The following MFSD8 variants were observed in gnomAD, a reference collection of about 807,000 sequenced individuals.
The protein encoded by MFSD8 is major facilitator superfamily domain containing 8, also known as major facilitator superfamily domain-containing protein 8.
MFSD8 carries 55 observed loss-of-function variants against 66.4 expected under a neutral mutation model. That is an observed-to-expected ratio of 0.83 (90% CI 0.67 to 1.04). MFSD8 has a LOEUF of 1.04. Among genes scored for constraint, MFSD8 ranks in the 50% least tolerant of loss-of-function variants. The pLI is 0.00. For missense variants in MFSD8, 550 were observed against 627.6 expected (o/e 0.88, Z 1.32); for synonymous variants, 202 against 212.8 (o/e 0.95, Z 0.44).
intron 1 of MFSD8, 98 bp downstream of exon 1, chr4:127,964,974 T>A: frequency 1.4e-6 from 2 of 1,433,858 alleles, no homozygotes; most frequent in Non-Finnish European, 1.9e-6. Context: ...GGAACCCCTC[T>A]GGCAGCGAGG....
At chr4:127,959,838 A>G (rs1743460109) in intron 1 of MFSD8, among the ~76,000 whole-genome samples, 1 of 152,208 alleles carries the variant, frequency 6.6e-6, no homozygotes, top group Non-Finnish European at 1.5e-5. Context: ...TGGAGACAGT[A>G]GAAATATAGG....
In MFSD8 at chr4:127,949,321, A is replaced by T. The variant is rs147730303; in HGVS notation, c.198+483T>A. 2.6e-3 allele frequency among the ~76,000 whole-genome samples: 398 copies of T among 152,300 alleles called. 2 individuals carry two copies. The highest frequency in any genetic ancestry group is 9.2e-3 in the African/African-American group (383 of 41,574). On this transcript the variant is annotated intron_variant, in intron 3 of 11. Transcript: ENST00000641686. ...CCTAACAAACTTACATATTCATGTC[A>T]CCCCCTCTTCCCCTTCTAGTAATAA...
intron 6 of MFSD8, 176 bp from the exon 7 acceptor site, chr4:127,939,014 A>G (rs1436925170): frequency 4.4e-6 from 2 of 451,678 alleles, no homozygotes; most frequent in Non-Finnish European, 7.9e-6. Flanking sequence ...CAGAAGTTAC[A>G]ATTCTTATCA....
At chr4:127,925,062 CCTT>C (rs1736968064) in intron 9 of MFSD8, among the ~76,000 whole-genome samples, 1 of 152,062 alleles carries the variant, frequency 6.6e-6, no homozygotes, top group Admixed American at 6.5e-5. Context: ...AGACTGGGCC[CCTT>C]CTTTATACCT....
Position 127,928,139 on chromosome 4 carries a change from C to T in MFSD8, c.998+2544G>A, listed in dbSNP as rs755264082. On this transcript the variant is annotated intron_variant, in intron 9 of 11. Transcript: ENST00000641686. ...TCTTGGTTCACTGCTGCAACCTCCA[C>T]CTCCCAGGTTGAAGCGATTCTCTTG... 3.9e-4 allele frequency among the ~76,000 whole-genome samples: 59 copies of T among 152,266 alleles called. 1 individual carries two copies. Among genetic ancestry groups the T allele is most frequent in the South Asian group, 8.3e-4 (4 of 4,824 alleles).
In MFSD8 at chr4:127,965,165, A is replaced by G. The variant is rs1579054650; in HGVS notation, c.-32T>C. The G allele has an allele frequency of 6.2e-7, 1 of 1,613,214 alleles. No individual in the cohort carries two copies. Among genetic ancestry groups the G allele is most frequent in the Non-Finnish European group, 8.5e-7 (1 of 1,179,750 alleles). On this transcript the variant is annotated 5_prime_UTR_variant, in exon 1 of 12. Coordinates refer to ENST00000641686, the MANE Select transcript of MFSD8 (RefSeq NM_001371596.2). Reference sequence around the variant, plus strand: ...ACTCCCTACAAGGCGTCTTGCGCCCAACTCTCGCGACACCTGCTTTCTCCC... The same window carrying G: ...ACTCCCTACAAGGCGTCTTGCGCCCGACTCTCGCGACACCTGCTTTCTCCC...
intron 1 of MFSD8, 48 bp downstream of exon 1, chr4:127,965,024 C>A (rs774443900): frequency 1.1e-5 from 17 of 1,602,668 alleles, no homozygotes; most frequent in Admixed American, 8.5e-5. Context: ...AGGAACCAGT[C>A]CCAACAGCGC....
chr4:127,957,026 T>C (rs554670052), intron 2 of MFSD8, among the ~76,000 whole-genome samples: 129 of 152,224 alleles, frequency 8.5e-4, no homozygotes, highest in African/African-American at 2.4e-3. Flanking sequence ...CTTAAGCACA[T>C]AGGAGAATAG....
In MFSD8 at chr4:127,939,989, T is replaced by C. The variant is rs1739868697; in HGVS notation, c.562A>G (p.Thr188Ala). 1.9e-6 allele frequency: 3 copies of C among 1,612,872 alleles called. No homozygotes were observed. Among genetic ancestry groups the C allele is most frequent in the South Asian group, 2.2e-5 (2 of 90,874 alleles). ...TTTTCTCCAAGGAATGTAAAACAAG[T>C]CTGAAAAACTTATTAAGATAAAATT... ...LGFILGPVFQ[T>A]CFTFLGEKGV... Residue 188 changes from threonine to alanine, a missense_variant, in exon 6 of 12, where the codon ACT (threonine) becomes GCT (alanine). Coordinates refer to ENST00000641686, the MANE Select transcript of MFSD8 (RefSeq NM_001371596.2).
At chr4:127,938,288 G>T (rs2148899623) in intron 7 of MFSD8, among the ~76,000 whole-genome samples, 2 of 151,894 alleles carry the variant, frequency 1.3e-5, no homozygotes, top group South Asian at 4.2e-4. Context: ...AACCAATATG[G>T]GTATGCCTCT....
intron 2 of MFSD8, among the ~76,000 whole-genome samples, chr4:127,951,332 C>T (rs1305913465): frequency 1.3e-5 from 2 of 152,138 alleles, no homozygotes; most frequent in African/African-American, 2.4e-5. Flanking sequence ...TGGATTCAAG[C>T]GATTCTCCTG....
rs767262517 is a variant in MFSD8, at chr4:127,921,706, G to C, written c.1168C>G (p.Pro390Ala). The change falls in exon 11 of 12, where the codon CCA becomes GCA. Residue 390 changes from proline to alanine, a missense_variant. By Grantham distance (27) the Pro-to-Ala change is conservative. Transcript: ENST00000641686. ...GEIIIGLWKS[P>A]MEDDNERPTG... ...GGTCTTTCATTGTCATCTTCCATTGGAGACTTCCAAAGACCAATAATAATT... is the reference window on the plus strand; with the variant it reads ...GGTCTTTCATTGTCATCTTCCATTGCAGACTTCCAAAGACCAATAATAATT... 16 of 1,614,162 alleles carry C rather than the reference G, an allele frequency of 9.9e-6. No individual in the cohort carries two copies. The highest frequency in any genetic ancestry group is 1.7e-5 in the Admixed American group (1 of 60,002).
chr4:127,944,134 G>T, intron 3 of MFSD8, 142 bp from the exon 4 acceptor site: 1 of 1,143,082 alleles, frequency 8.7e-7, no homozygotes, highest in Non-Finnish European at 1.2e-6. Context: ...ATTACTTATA[G>T]TAAGGGATTC....
chr4:127,929,968 C>A (rs1009279915), intron 9 of MFSD8, among the ~76,000 whole-genome samples: 20 of 152,102 alleles, frequency 1.3e-4, no homozygotes, highest in African/African-American at 4.8e-4. Context: ...TTATGCTGGG[C>A]GCAGTGGCTC....
chr4:127,960,847 T>G (rs1027518569), intron 1 of MFSD8, among the ~76,000 whole-genome samples: 2 of 152,234 alleles, frequency 1.3e-5, no homozygotes, highest in Non-Finnish European at 2.9e-5. Context: ...CACCAAATTC[T>G]ATCCCTTTCA....
intron 7 of MFSD8, among the ~76,000 whole-genome samples, 178 bp downstream of exon 7, chr4:127,938,605 A>C (rs1739540461): frequency 7.0e-6 from 1 of 142,224 alleles, no homozygotes; most frequent in Non-Finnish European, 1.5e-5. Flanking sequence ...ATAAATAAAT[A>C]AATAAATAAA....
intron 1 of MFSD8, among the ~76,000 whole-genome samples, chr4:127,962,807 T>C (rs1306283436): frequency 1.3e-5 from 2 of 152,196 alleles, no homozygotes; most frequent in Non-Finnish European, 2.9e-5. Context: ...GATCTCAAGA[T>C]AAAATCAAGT....
chr4:127,950,025 A>G (rs1400510711), intron 2 of MFSD8, among the ~76,000 whole-genome samples, 178 bp from the exon 3 acceptor site: 1 of 152,246 alleles, frequency 6.6e-6, no homozygotes, highest in African/African-American at 2.4e-5. Context: ...AAAGACTAAA[A>G]GAACATACAA....
At chr4:127,949,738 T>C in intron 3 of MFSD8, 66 bp downstream of exon 3, 2 of 1,319,136 alleles carry the variant, frequency 1.5e-6, no homozygotes, top group Non-Finnish European at 2.2e-6. Context: ...CTTTAGAAAA[T>C]GCTTAACTAC....
Sources: allele counts gnomAD v4.1 joint callset (sites outside exome capture counted in the v4.1 genomes callset), GRCh38; gene constraint gnomAD v4.1.1; transcripts MANE v1.5; gene names NCBI Gene and HGNC (gene_info 2026-07-23, HGNC 2026-07-21).